SLC71A1: variants seen among roughly 807,000 people sequenced by gnomAD.
SLC71A1 encodes solute carrier family 71 member 1.
At chr1:100,041,835 A>G in the SLC71A1 span, among the ~76,000 whole-genome samples, 2 of 152,156 alleles carry the variant, frequency 1.3e-5, no homozygotes, top group Non-Finnish European at 2.9e-5. Flanking sequence ...GAGGCACGAG[A>G]ATCACTTGAA....
At chr1:100,038,789 C>T in the SLC71A1 span, among the ~76,000 whole-genome samples, 18 of 152,362 alleles carry the variant, frequency 1.2e-4, no homozygotes, top group Admixed American at 1.0e-3. Context: ...GCGGGGATCC[C>T]GCTGCGGCCC....
the SLC71A1 span, chr1:100,067,844 G>A: frequency 9.6e-5 from 69 of 715,112 alleles, no homozygotes; most frequent in African/African-American, 1.1e-3. Flanking sequence ...AAAGATAAAT[G>A]GCACAGGTAG....
At chr1:100,040,178 C>T in the SLC71A1 span, among the ~76,000 whole-genome samples, 1 of 152,106 alleles carries the variant, frequency 6.6e-6, no homozygotes, top group African/African-American at 2.4e-5. Flanking sequence ...TGTTTGGATC[C>T]CACAGGGCCT....
chr1:100,049,640 C>T, the SLC71A1 span, among the ~76,000 whole-genome samples: 12 of 152,176 alleles, frequency 7.9e-5, no homozygotes, highest in Non-Finnish European at 1.8e-4. Context: ...CAGCCTTCCT[C>T]CTGGAAGTCT....
the SLC71A1 span, among the ~76,000 whole-genome samples, chr1:100,039,920 G>A: frequency 6.6e-6 from 1 of 152,176 alleles, no homozygotes; most frequent in Non-Finnish European, 1.5e-5. Flanking sequence ...AATCCTGTGA[G>A]TTTTGGAAAA....
the SLC71A1 span, among the ~76,000 whole-genome samples, chr1:100,060,325 T>C: frequency 6.6e-6 from 1 of 152,206 alleles, no homozygotes; most frequent in South Asian, 2.1e-4. Context: ...TATAGAATGT[T>C]AAAAACAGAC....
At chr1:100,070,026 T>TACAGCAGTGAACTTA in the SLC71A1 span, among the ~76,000 whole-genome samples, 1 of 152,236 alleles carries the variant, frequency 6.6e-6, no homozygotes, top group African/African-American at 2.4e-5. Context: ...GCACTGGGGA[T>TACAGCAGTGAACTTA]ACAGCAGTGA....
the SLC71A1 span, among the ~76,000 whole-genome samples, chr1:100,049,106 G>T: frequency 6.6e-6 from 1 of 152,236 alleles, no homozygotes; most frequent in African/African-American, 2.4e-5. Context: ...TTTTAGATGC[G>T]CTTTGCTTCT....
At chr1:100,038,255 A>T in the SLC71A1 span, 1 of 1,559,970 alleles carries the variant, frequency 6.4e-7, no homozygotes, top group Non-Finnish European at 8.7e-7. Context: ...AAGAAGAAGA[A>T]ACGGGCCGCG....
chr1:100,074,026 G>C, the SLC71A1 span, among the ~76,000 whole-genome samples: 3 of 152,132 alleles, frequency 2.0e-5, no homozygotes, highest in Non-Finnish European at 4.4e-5. Context: ...TGGGTGCTGG[G>C]GATATAAATG....
the SLC71A1 span, among the ~76,000 whole-genome samples, chr1:100,039,311 C>T: frequency 6.6e-6 from 1 of 152,130 alleles, no homozygotes; most frequent in Admixed American, 6.6e-5. Context: ...CTGTTTATAT[C>T]TTATTGGAGC....
the SLC71A1 span, among the ~76,000 whole-genome samples, chr1:100,064,719 CTCT>C: frequency 6.6e-6 from 1 of 150,434 alleles, no homozygotes; most frequent in African/African-American, 2.5e-5. Flanking sequence ...CTATTTTTGT[CTCT>C]TTTCCTTTTT....
the SLC71A1 span, among the ~76,000 whole-genome samples, chr1:100,054,550 T>C: frequency 2.0e-5 from 3 of 152,112 alleles, no homozygotes; most frequent in Non-Finnish European, 4.4e-5. Flanking sequence ...CTGGAAATAA[T>C]AGGCCAGTGT....
At chr1:100,083,315 T>TAAAAG in the SLC71A1 span, 1 of 152,690 alleles carries the variant, frequency 6.5e-6, no homozygotes, top group South Asian at 2.1e-4. Flanking sequence ...AATAAGGTCT[T>TAAAAG]AAAAGAAATG....
At chr1:100,054,737 A>C in the SLC71A1 span, among the ~76,000 whole-genome samples, 7 of 152,260 alleles carry the variant, frequency 4.6e-5, no homozygotes, top group African/African-American at 1.4e-4. Flanking sequence ...GTTAAGATCC[A>C]TAAAATTTTT....
the SLC71A1 span, among the ~76,000 whole-genome samples, chr1:100,081,614 G>C: frequency 6.6e-6 from 1 of 152,112 alleles, no homozygotes; most frequent in Non-Finnish European, 1.5e-5. Context: ...GACCTCAAGT[G>C]ATCTGCCTGC....
the SLC71A1 span, chr1:100,068,109 G>A: frequency 2.5e-6 from 4 of 1,614,192 alleles, no homozygotes; most frequent in Non-Finnish European, 3.4e-6. Flanking sequence ...TTTTATCCTT[G>A]TTGCTGTGCC....
At chr1:100,038,366 C>G in the SLC71A1 span, 4 of 1,460,646 alleles carry the variant, frequency 2.7e-6, no homozygotes, top group Non-Finnish European at 3.8e-6. Flanking sequence ...CCCATCCGGT[C>G]TCTCCTTCAG....
the SLC71A1 span, among the ~76,000 whole-genome samples, chr1:100,045,320 G>A: frequency 2.6e-5 from 4 of 152,122 alleles, no homozygotes; most frequent in African/African-American, 4.8e-5. Context: ...GAATATAGCA[G>A]TGCTATTGAT....
Sources: allele counts gnomAD v4.1 joint callset (sites outside exome capture counted in the v4.1 genomes callset), GRCh38; gene constraint gnomAD v4.1.1; transcripts MANE v1.5; gene names NCBI Gene and HGNC (gene_info 2026-07-23, HGNC 2026-07-21).